Variants in SCAI observed in about 807,000 individuals in gnomAD.
The protein encoded by SCAI is suppressor of cancer cell invasion, also known as protein SCAI.
SCAI carries 24 observed loss-of-function variants against 92.2 expected under a neutral mutation model. The ratio of observed to expected loss-of-function variants is 0.26; its 90% CI spans 0.19 to 0.37. SCAI has a LOEUF of 0.37. SCAI is among the 10% of genes least tolerant of loss of function. The pLI, the probability that SCAI is intolerant of heterozygous loss-of-function variation, is 1.00. For synonymous variants in SCAI, 261 were observed against 258.6 expected, an observed-to-expected ratio of 1.01 and a Z score of -0.09; for missense variants, 450 against 736.2, an observed-to-expected ratio of 0.61 and a Z score of 4.50.
chr9:124,960,942 C>A (rs1011648173), intron 17 of SCAI, among the ~76,000 whole-genome samples: 7 of 151,956 alleles, frequency 4.6e-5, no homozygotes, highest in Non-Finnish European at 1.0e-4. Context: ...TGCAGCAAAA[C>A]CCCATCTCTA....
chr9:125,054,124 A>G (rs1261799890), intron 3 of SCAI, among the ~76,000 whole-genome samples: 1 of 152,022 alleles, frequency 6.6e-6, no homozygotes, highest in Non-Finnish European at 1.5e-5. Context: ...TGAGGCACTC[A>G]CCACCATATC....
chr9:124,989,852 C>T (rs1297439739), intron 14 of SCAI, among the ~76,000 whole-genome samples: 3 of 141,912 alleles, frequency 2.1e-5, no homozygotes, highest in Non-Finnish European at 1.5e-5. Flanking sequence ...CACTGCACTC[C>T]AGTCTGGCTG....
intron 2 of SCAI, among the ~76,000 whole-genome samples, chr9:125,127,490 A>G (rs1330122574): frequency 6.6e-6 from 1 of 150,878 alleles, no homozygotes; most frequent in Non-Finnish European, 1.5e-5. Flanking sequence ...TCAGAATCCC[A>G]AAGTGCTGGG....
chr9:125,019,175 G>T lies in SCAI; in HGVS notation c.640C>A (p.His214Asn). 1.9e-6 allele frequency: 3 copies of T among 1,593,444 alleles called. No individual in the cohort carries two copies. Among genetic ancestry groups the T allele is most frequent in the South Asian group, 1.1e-5 (1 of 88,078 alleles). ...ELSDEIEDYT[H>N]RFNTEDQVEW... ...ACTTGATCTTCAGTATTAAATCGGT[G>T]AGTATAATCTTCAATTTCATCTGAC... Residue 214 changes from histidine (H) to asparagine (N), a missense_variant, in exon 8 of 18, where the codon CAC becomes AAC. Physicochemically the swap from His to Asn is moderately conservative, Grantham distance 68. Transcript: ENST00000336505.
chr9:124,999,116 C>T (rs372271576), intron 13 of SCAI, among the ~76,000 whole-genome samples: 1 of 151,384 alleles, frequency 6.6e-6, no homozygotes, highest in Non-Finnish European at 1.5e-5. Flanking sequence ...TGGCCGGGCA[C>T]GGTGGCTCAC....
intron 2 of SCAI, among the ~76,000 whole-genome samples, chr9:125,128,290 TG>T (rs1342058628): frequency 3.3e-5 from 5 of 152,186 alleles, no homozygotes; most frequent in Non-Finnish European, 7.3e-5. Context: ...CCCTCCAGCC[TG>T]GGCAACAGAG....
intron 2 of SCAI, among the ~76,000 whole-genome samples, chr9:125,085,986 CA>C (rs1212056549): frequency 6.6e-6 from 1 of 152,172 alleles, no homozygotes; most frequent in African/African-American, 2.4e-5. Context: ...CCTTAGCAAA[CA>C]TAAGTAGACA....
chr9:124,975,247 C>A, intron 15 of SCAI: 1 of 441,324 alleles, frequency 2.3e-6, no homozygotes, highest in Non-Finnish European at 4.5e-6. Context: ...CAGAACTTAC[C>A]TTAAAACAAC....
chr9:125,032,865 C>T (rs1833109332), intron 3 of SCAI, among the ~76,000 whole-genome samples: 1 of 152,096 alleles, frequency 6.6e-6, no homozygotes, highest in South Asian at 2.1e-4. Flanking sequence ...GATCCACCCA[C>T]CTTGGCCTCC....
At position 124,944,653 on chromosome 9, in the gene SCAI, A is replaced by G. The variant is rs1281717381; in HGVS notation, c.*8154T>C. On this transcript the variant is annotated 3_prime_UTR_variant, in exon 18 of 18. Coordinates refer to ENST00000336505, the MANE Select transcript of SCAI (RefSeq NM_001144877.3). Reference sequence around the variant, plus strand: ...ATTTAGAAAAAAAGCAATTAGTAGCATGCTTCTTTAAGGGTGGAAATAAGC... The same window carrying G: ...ATTTAGAAAAAAAGCAATTAGTAGCGTGCTTCTTTAAGGGTGGAAATAAGC... 3.3e-5 allele frequency: 5 copies of G among 152,076 alleles called. No homozygotes were observed. The highest frequency in any genetic ancestry group is 1.2e-4 in the African/African-American group (5 of 41,412). The allele number at this position is 152,076 out of a possible 1,614,324, so 9.4% of individuals were successfully genotyped here. A position where few individuals can be genotyped will look rare whatever the true frequency, so the allele number is the denominator to read the frequency against.
intron 2 of SCAI, among the ~76,000 whole-genome samples, chr9:125,119,354 A>G (rs1347301428): frequency 1.3e-5 from 2 of 152,188 alleles, no homozygotes; most frequent in Non-Finnish European, 2.9e-5. Context: ...AACCTTCTAA[A>G]CTAGAAGTAC....
intron 4 of SCAI, among the ~76,000 whole-genome samples, 161 bp from the exon 5 acceptor site, chr9:125,028,639 T>C (rs1833009825): frequency 6.6e-6 from 1 of 152,198 alleles, no homozygotes; most frequent in Admixed American, 6.5e-5. Context: ...AAAAAGCATT[T>C]ATTAAATGTC....
chr9:125,084,220 G>C (rs1834280361), intron 2 of SCAI, among the ~76,000 whole-genome samples: 1 of 135,228 alleles, frequency 7.4e-6, no homozygotes, highest in Non-Finnish European at 1.5e-5. Flanking sequence ...GCCCAGGCCG[G>C]AGTGCAGTGG....
intron 13 of SCAI, among the ~76,000 whole-genome samples, chr9:124,995,481 A>G (rs1399128762): frequency 6.6e-6 from 1 of 151,978 alleles, no homozygotes; most frequent in Non-Finnish European, 1.5e-5. Context: ...AAATCTTTTT[A>G]CTATCACTAT....
At chr9:125,098,257 A>G (rs948894296) in intron 2 of SCAI, among the ~76,000 whole-genome samples, 1 of 151,944 alleles carries the variant, frequency 6.6e-6, no homozygotes, top group Non-Finnish European at 1.5e-5. Context: ...GGGTCTTGCT[A>G]TGTTGTCCAG....
At chr9:125,071,663 C>T (rs1833981907) in intron 2 of SCAI, among the ~76,000 whole-genome samples, 1 of 151,958 alleles carries the variant, frequency 6.6e-6, no homozygotes. Flanking sequence ...CACACAATTA[C>T]ACAAATTCCA....
intron 14 of SCAI, among the ~76,000 whole-genome samples, chr9:124,987,524 T>G: frequency 6.6e-6 from 1 of 152,102 alleles, no homozygotes; most frequent in East Asian, 1.9e-4. Context: ...ACTCTTTCTC[T>G]ACGTGGGAAA....
At chr9:125,030,268 G>T (rs1242826409) in intron 3 of SCAI, among the ~76,000 whole-genome samples, 1 of 152,140 alleles carries the variant, frequency 6.6e-6, no homozygotes, top group African/African-American at 2.4e-5. Context: ...ATTGGGCCTG[G>T]CCGTATTAAC....
At chr9:125,005,969 A>G (rs1832497833) in intron 9 of SCAI, among the ~76,000 whole-genome samples, 1 of 152,178 alleles carries the variant, frequency 6.6e-6, no homozygotes, top group Non-Finnish European at 1.5e-5. Flanking sequence ...CTGAATTAAC[A>G]TTATTTGCAT....
Sources: allele counts gnomAD v4.1 joint callset (sites outside exome capture counted in the v4.1 genomes callset), GRCh38; gene constraint gnomAD v4.1.1; transcripts MANE v1.5; gene names NCBI Gene and HGNC (gene_info 2026-07-23, HGNC 2026-07-21).